The following CCDC88A variants were observed in gnomAD, a reference collection of about 807,000 sequenced individuals.
CCDC88A encodes the protein coiled-coil and HOOK domain protein 88A.
A neutral mutation model predicts 234.3 loss-of-function variants in CCDC88A; 54 were observed. That is an observed-to-expected ratio of 0.23 (90% confidence interval 0.19 to 0.29). The LOEUF (loss-of-function observed/expected upper bound fraction) is 0.29. Among genes scored for constraint, CCDC88A ranks in the 10% least tolerant of loss-of-function variants. The pLI, the probability that CCDC88A is intolerant of heterozygous loss-of-function variation, is 1.00. For missense variants in CCDC88A, 1,832 were observed against 2,123.4 expected, an observed-to-expected ratio of 0.86 and a Z score of 2.70; for synonymous variants, 753 against 737.8, an observed-to-expected ratio of 1.02 and a Z score of -0.33.
chr2:55,316,708 T>C (rs1161432528), intron 21 of CCDC88A, among the ~76,000 whole-genome samples: 2 of 152,112 alleles, frequency 1.3e-5, no homozygotes, highest in African/African-American at 4.8e-5. Flanking sequence ...GAACTTCAGC[T>C]TGGGCAAAAG....
chr2:55,396,169 G>A (rs752800855), intron 2 of CCDC88A, among the ~76,000 whole-genome samples: 19 of 151,876 alleles, frequency 1.3e-4, no homozygotes, highest in Admixed American at 6.6e-4. Context: ...ATGCACAAAA[G>A]CTTGGGCTAG....
chr2:55,357,909 A>G (rs1670800782), intron 7 of CCDC88A, among the ~76,000 whole-genome samples: 1 of 152,124 alleles, frequency 6.6e-6, no homozygotes, highest in Non-Finnish European at 1.5e-5. Flanking sequence ...TATTCAATAC[A>G]TACAGTTTTC....
At chr2:55,402,576 G>A (rs1041954045) in intron 2 of CCDC88A, among the ~76,000 whole-genome samples, 4 of 152,014 alleles carry the variant, frequency 2.6e-5, no homozygotes, top group African/African-American at 9.7e-5. Context: ...AAATCCATTG[G>A]TCTATCTGGC....
At chr2:55,339,404 A>G (rs1558697576) in intron 13 of CCDC88A, 60 bp downstream of exon 13, 2 of 692,926 alleles carry the variant, frequency 2.9e-6, no homozygotes, top group Non-Finnish European at 3.9e-6. Flanking sequence ...TAAATGGGCT[A>G]TTTATTTACA....
rs377022377 is a variant in CCDC88A at position 55,390,053 on chromosome 2, A to AAAAAAAAAAAAAAAAAAAAAG, written c.165-1168_165-1167insCTTTTTTTTTTTTTTTTTTTT. On this transcript the variant is annotated intron_variant, in intron 2 of 32. Transcript: ENST00000436346. ...GAGACTCAAAAAAAAAAAAAAATAAAAAATAAAGATAGAACATTTCAAAGT... is the reference window on the plus strand; with the variant it reads ...GAGACTCAAAAAAAAAAAAAAATAAAAAAAAAAAAAAAAAAAAAAAGAAATAAAGATAGAACATTTCAAAGT... Among the ~76,000 whole-genome samples the AAAAAAAAAAAAAAAAAAAAAG allele has an allele frequency of 7.4e-4, 59 of 79,754 alleles. 10 individuals carry two copies. The highest frequency in any genetic ancestry group is 1.0e-3 in the Non-Finnish European group (44 of 42,862). The allele number at this position is 79,754 out of a possible 152,430, so 52.3% of individuals were successfully genotyped here.
intron 19 of CCDC88A, 48 bp downstream of exon 19, chr2:55,318,795 C>T (rs756010710): frequency 3.6e-6 from 5 of 1,387,132 alleles, no homozygotes; most frequent in Non-Finnish European, 4.9e-6. Context: ...ATTTTAATAG[C>T]ATAATTCAAG....
chr2:55,349,954 A>T, intron 8 of CCDC88A: 1 of 160,668 alleles, frequency 6.2e-6, no homozygotes, highest in Non-Finnish European at 1.3e-5. Flanking sequence ...TTTGAGACGG[A>T]GTCTGGCTCT....
intron 2 of CCDC88A, among the ~76,000 whole-genome samples, chr2:55,390,335 C>G (rs532972785): frequency 6.6e-6 from 1 of 152,238 alleles, no homozygotes; most frequent in African/African-American, 2.4e-5. Flanking sequence ...TATGGATCCC[C>G]AAAAGGATCC....
intron 5 of CCDC88A, among the ~76,000 whole-genome samples, chr2:55,367,528 G>GTTTTTTTTTTTTTTTTTTGTTT: frequency 1.0e-5 from 1 of 99,890 alleles, no homozygotes; most frequent in Non-Finnish European, 2.0e-5. Context: ...TTATTTCCTT[G>GTTTTTTTTTTTTTTTTTTGTTT]TTTTTTTTTA....
At chr2:55,358,396 G>A (rs971400324) in intron 7 of CCDC88A, among the ~76,000 whole-genome samples, 14 of 152,228 alleles carry the variant, frequency 9.2e-5, no homozygotes, top group African/African-American at 3.1e-4. Flanking sequence ...GCTCCAAGAT[G>A]ATAAAGCTCT....
rs1685272554 is a variant in CCDC88A, at chr2:55,334,569, G to A, written c.2252C>T (p.Thr751Ile). 3.1e-6 allele frequency: 5 copies of A among 1,612,846 alleles called. No homozygotes were observed. The highest frequency in any genetic ancestry group is 4.2e-6 in the Non-Finnish European group (5 of 1,179,678). ...CTGGTAGCTAACTTCTAAGCGTTCT[G>A]TTTTCTTGAAAGATGCTTTCAGGAG... ...LELLKASFKK[T>I]ERLEVSYQGL... Residue 751 changes from threonine to isoleucine, a missense_variant, in exon 15 of 33, where the codon ACA becomes ATA. By Grantham distance (89) the Thr-to-Ile change is moderately conservative. Transcript: ENST00000436346. This position sits in a 1 kb window ranked among gnomAD's most constrained non-coding sequence, Gnocchi z 6.1.
At chr2:55,395,062 T>G (rs1429459964) in intron 2 of CCDC88A, among the ~76,000 whole-genome samples, 1 of 152,104 alleles carries the variant, frequency 6.6e-6, no homozygotes, top group Non-Finnish European at 1.5e-5. Context: ...GCCAGGCTGG[T>G]CTCAAACTCC....
chr2:55,306,826 T>C (rs929622795), intron 25 of CCDC88A, among the ~76,000 whole-genome samples: 9 of 152,184 alleles, frequency 5.9e-5, no homozygotes, highest in African/African-American at 1.9e-4. Context: ...TCTGCCCGCC[T>C]CAGCCTCCCA....
Position 55,289,206 on chromosome 2 carries a change from T to C in CCDC88A, c.*1994A>G, listed in dbSNP as rs572263189. 1.3e-5 allele frequency: 2 copies of C among 152,764 alleles called. No individual in the cohort carries two copies. The highest frequency in any genetic ancestry group is 6.5e-5 in the Admixed American group (1 of 15,298). 9.5% of individuals were successfully genotyped at this position (152,764 alleles called of 1,614,324 possible). ...AAGCTGTAATGTCATTCGCCCTCAT[T>C]GGGCTACATCACCACCCATTAAATT... On this transcript the variant is annotated 3_prime_UTR_variant, in exon 33 of 33. Coordinates refer to ENST00000436346, the MANE Select transcript of CCDC88A (RefSeq NM_001365480.1).
intron 26 of CCDC88A, 34 bp from the exon 27 acceptor site, chr2:55,302,106 G>A: frequency 1.3e-6 from 2 of 1,518,954 alleles, no homozygotes; most frequent in Non-Finnish European, 1.8e-6. Context: ...GAATCAGCAT[G>A]GTTAATGTAT....
At chr2:55,418,587 G>GT in intron 2 of CCDC88A, 1 of 564,170 alleles carries the variant, frequency 1.8e-6, no homozygotes. Flanking sequence ...ACAATACATG[G>GT]TTGACAGAAT....
At chr2:55,369,312 T>C (rs915110447) in intron 5 of CCDC88A, among the ~76,000 whole-genome samples, 2 of 152,054 alleles carry the variant, frequency 1.3e-5, no homozygotes, top group Non-Finnish European at 2.9e-5. Context: ...AGATTACAGG[T>C]GTGAGCCACC....
At chr2:55,389,567 C>A (rs984330503) in intron 2 of CCDC88A, among the ~76,000 whole-genome samples, 6 of 152,164 alleles carry the variant, frequency 3.9e-5, no homozygotes, top group Admixed American at 2.6e-4. Flanking sequence ...TCCCTTTCTA[C>A]ACAGTCCATT....
At chr2:55,409,545 A>T (rs12621495) in intron 2 of CCDC88A, among the ~76,000 whole-genome samples, 4 of 151,916 alleles carry the variant, frequency 2.6e-5, no homozygotes, top group Non-Finnish European at 4.4e-5. Flanking sequence ...TTTATTACAC[A>T]GTAAGTACTT....
Sources: gnomAD v4.1 joint callset for allele counts (sites outside exome capture counted in the v4.1 genomes callset) on GRCh38, gnomAD v4.1.1 for gene constraint, Gnocchi (gnomAD v3.1) non-coding constraint, MANE v1.5 for transcripts, NCBI Gene and HGNC (gene_info 2026-07-23, HGNC 2026-07-21) for gene names.